The following TYW5 variants were observed in gnomAD, a reference collection of about 807,000 sequenced individuals.
The protein encoded by TYW5 is tRNA-yW synthesizing protein 5, also known as tRNA wybutosine-synthesizing protein 5.
In TYW5, 36 loss-of-function variants were observed where a neutral mutation model predicts 44.4. The observed-to-expected ratio is 0.81, with a 90% CI of 0.62 to 1.07. The LOEUF is 1.07. Ranked by LOEUF, TYW5 falls within the 50% of genes least tolerant of loss-of-function variation. TYW5 has a pLI of 0.00. For missense variants in TYW5, 354 were observed against 365.7 expected (o/e 0.97, Z 0.26); for synonymous variants, 121 against 128.1 (o/e 0.94, Z 0.37).
In TYW5 at chr2:199,937,705, T is replaced by C. The variant is rs142348991; in HGVS notation, c.487-1213A>G. 1.7e-3 allele frequency among the ~76,000 whole-genome samples: 263 copies of C among 152,172 alleles called. 3 individuals are homozygous for C. The highest frequency in any genetic ancestry group is 6.2e-3 in the African/African-American group (258 of 41,516). ...ACAACAATCATCATCATCATCATCA[T>C]AGAATATAGTTAAAATGTATTACCA... On this transcript the variant is annotated intron_variant, in intron 5 of 7. Transcript: ENST00000354611.
At chr2:199,944,813 GAGA>G (rs1200656637) in intron 2 of TYW5, 1 of 152,298 alleles carries the variant, frequency 6.6e-6, no homozygotes, top group East Asian at 1.9e-4. Flanking sequence ...CCTTCTCTAT[GAGA>G]AGATGACCTT....
At chr2:199,950,982 C>T (rs1349222545) in intron 1 of TYW5, among the ~76,000 whole-genome samples, 2 of 152,146 alleles carry the variant, frequency 1.3e-5, no homozygotes, top group African/African-American at 4.8e-5. Flanking sequence ...TTGATTTAAC[C>T]CACCACTACT....
rs1207285743 is a variant in TYW5 at position 199,939,029 on chromosome 2, T to C, written c.390A>G (p.Gly130=). 1.9e-6 allele frequency: 3 copies of C among 1,612,078 alleles called. No homozygotes were observed. Among genetic ancestry groups the C allele is most frequent in the African/African-American group, 1.3e-5 (1 of 74,866 alleles). ...DIRKQFPLLK[G]DIKFPEFFKE... ...TGAAGAATTCTGGAAACTTAATATCTCCTTTCAACAAAGGAAACTGCTTTC... is the reference window on the plus strand; with the variant it reads ...TGAAGAATTCTGGAAACTTAATATCCCCTTTCAACAAAGGAAACTGCTTTC... The change falls in exon 5 of 8, where the codon GGA becomes GGG. Residue 130 remains glycine, a synonymous_variant. Coordinates refer to ENST00000354611, the MANE Select transcript of TYW5 (RefSeq NM_001039693.3).
intron 4 of TYW5, among the ~76,000 whole-genome samples, 170 bp downstream of exon 4, chr2:199,939,919 C>T (rs908775337): frequency 1.3e-5 from 2 of 152,058 alleles, no homozygotes; most frequent in Admixed American, 6.6e-5. Flanking sequence ...AAAGTAATCA[C>T]TTTTTAATCA....
At chr2:199,936,187 C>T in intron 6 of TYW5, 140 bp from the exon 7 acceptor site, 1 of 690,808 alleles carries the variant, frequency 1.4e-6, no homozygotes, top group Non-Finnish European at 2.5e-6. Context: ...TACTATGCTA[C>T]TGACACCTAA....
At chr2:199,946,527 A>C (rs955312669) in intron 2 of TYW5, 1 of 152,220 alleles carries the variant, frequency 6.6e-6, no homozygotes, top group Non-Finnish European at 1.5e-5. Flanking sequence ...CTTTCACCAC[A>C]CAAGGTTCTT....
At chr2:199,938,327 G>A (rs2077437817) in intron 5 of TYW5, among the ~76,000 whole-genome samples, 1 of 152,130 alleles carries the variant, frequency 6.6e-6, no homozygotes. Context: ...GCCTCCCAAA[G>A]TGCTGGGATT....
At position 199,938,974 on chromosome 2, in the gene TYW5, GAAA is replaced by G. The variant is rs1559302164; in HGVS notation, c.442_444del (p.Phe148del). 1 of 1,613,132 alleles carries G rather than the reference GAAA, an allele frequency of 6.2e-7. No homozygotes were observed. The highest frequency in any genetic ancestry group is 8.5e-7 in the Non-Finnish European group (1 of 1,179,670). On this transcript the variant is annotated inframe_deletion, in exon 5 of 8. Transcript: ENST00000354611. ...AGTTGTAATCCTGGTGAACTAATTC[GAAA>G]AACACTGGAAAAGAACTGTTCCTCT...
intron 4 of TYW5, 121 bp downstream of exon 4, chr2:199,939,968 G>C (rs539823302): frequency 1.1e-6 from 1 of 947,658 alleles, no homozygotes; most frequent in Non-Finnish European, 1.7e-6. Flanking sequence ...ACTGAGAGAA[G>C]AATGGAAAAG....
intron 3 of TYW5, chr2:199,942,983 A>C (rs1574802270): frequency 6.6e-6 from 1 of 151,712 alleles, no homozygotes; most frequent in African/African-American, 2.4e-5. Context: ...CAGCCTCCTG[A>C]GTAGCTGGGA....
At chr2:199,953,191 C>T (rs192723037) in intron 1 of TYW5, among the ~76,000 whole-genome samples, 31 of 152,166 alleles carry the variant, frequency 2.0e-4, no homozygotes, top group Admixed American at 6.5e-4. Context: ...GACGTCGGGG[C>T]GGGTGCCTGT....
rs1490581872 is a variant in TYW5 at position 199,933,311 on chromosome 2, T to C, written c.704A>G (p.His235Arg). ...DVLFIPALWF[H>R]NVISEEFGVG... ...TCCAAACTCTTCAGAAATTACATTATGGAACCATAAAGCTGGAGAAAGTTT... is the reference window on the plus strand; with the variant it reads ...TCCAAACTCTTCAGAAATTACATTACGGAACCATAAAGCTGGAGAAAGTTT... Residue 235 changes from histidine to arginine, a missense_variant, in exon 8 of 8, where the codon CAT becomes CGT. Coordinates refer to ENST00000354611, the MANE Select transcript of TYW5 (RefSeq NM_001039693.3). 6.2e-7 allele frequency: 1 copy of C among 1,607,272 alleles called. No individual in the cohort carries two copies. The highest frequency in any genetic ancestry group is 8.5e-7 in the Non-Finnish European group (1 of 1,177,564).
chr2:199,951,942 G>C (rs1006437115), intron 1 of TYW5, among the ~76,000 whole-genome samples: 1 of 151,880 alleles, frequency 6.6e-6, no homozygotes, highest in East Asian at 1.9e-4. Flanking sequence ...GCATGAACCC[G>C]GGAGACGGAG....
In TYW5 at chr2:199,934,703, ATTAAT is replaced by A. The variant is rs553407472; in HGVS notation, c.691+1223_691+1227del. On this transcript the variant is annotated intron_variant, in intron 7 of 7. Transcript: ENST00000354611. ...GAAAAGTATTAATGATTCTTAATAG[ATTAAT>A]TTAAATATGGAACTACAACTATAAA... 3.1e-3 allele frequency among the ~76,000 whole-genome samples: 476 copies of A among 152,184 alleles called. 4 individuals are homozygous for A. The highest frequency in any genetic ancestry group is 0.011 in the African/African-American group (441 of 41,584).
intron 1 of TYW5, among the ~76,000 whole-genome samples, chr2:199,951,403 A>G (rs2077543748): frequency 6.6e-6 from 1 of 152,198 alleles, no homozygotes. Context: ...AAACAGATTC[A>G]TGTGTTACTT....
chr2:199,949,850 T>G (rs977379740), intron 1 of TYW5, among the ~76,000 whole-genome samples: 3 of 152,200 alleles, frequency 2.0e-5, no homozygotes, highest in African/African-American at 7.2e-5. Flanking sequence ...AATTCTCCAC[T>G]GAATTATTTT....
At chr2:199,943,925 G>C in intron 2 of TYW5, 91 bp from the exon 3 acceptor site, 2 of 812,660 alleles carry the variant, frequency 2.5e-6, no homozygotes, top group Non-Finnish European at 1.9e-6. Context: ...TGCTGGAGTT[G>C]GATATAATCT....
At chr2:199,934,217 T>A (rs1444023658) in intron 7 of TYW5, among the ~76,000 whole-genome samples, 1 of 152,126 alleles carries the variant, frequency 6.6e-6, no homozygotes, top group Non-Finnish European at 1.5e-5. Context: ...TAATCTTAAC[T>A]ACACTTTCTT....
chr2:199,939,947 G>A, intron 4 of TYW5, 142 bp downstream of exon 4: 2 of 794,286 alleles, frequency 2.5e-6, no homozygotes, highest in South Asian at 3.3e-5. Flanking sequence ...TCTTATTCAG[G>A]GGCACAAATC....
Sources: gnomAD v4.1 joint callset for allele counts (sites outside exome capture counted in the v4.1 genomes callset) on GRCh38, gnomAD v4.1.1 for gene constraint, MANE v1.5 for transcripts, NCBI Gene and HGNC (gene_info 2026-07-23, HGNC 2026-07-21) for gene names.